Variants in RAPGEF6 observed in about 807,000 individuals in gnomAD.
The protein encoded by RAPGEF6 is PDZ domain containing guanine nucleotide exchange factor (GEF) 2.
RAPGEF6 carries 56 observed loss-of-function variants against 171.4 expected under a neutral mutation model. That is an observed-to-expected ratio of 0.33 (90% CI 0.26 to 0.41). The LOEUF is 0.41. Among genes scored for constraint, RAPGEF6 ranks in the 10% least tolerant of loss-of-function variants. The pLI, the probability that RAPGEF6 is intolerant of heterozygous loss-of-function variation, is 1.00. For missense variants in RAPGEF6, 1,674 were observed against 1,921.4 expected (o/e 0.87, Z 2.41); for synonymous variants, 692 against 650.1 (o/e 1.06, Z -0.98).
intron 6 of RAPGEF6, among the ~76,000 whole-genome samples, chr5:131,525,610 T>C (rs1758821925): frequency 6.6e-6 from 1 of 151,966 alleles, no homozygotes; most frequent in African/African-American, 2.4e-5. Flanking sequence ...TTGATGAGGG[T>C]ATGATACAGT....
Position 131,619,337 on chromosome 5 carries a change from G to A in RAPGEF6, c.70-14644C>T, listed in dbSNP as rs113717015. ...TGCGGCGGGGCTGGAGGGCGGGGGG[G>A]CATAGCATTAGGATAAATAATACCT... On this transcript the variant is annotated intron_variant, in intron 1 of 27. Transcript: ENST00000509018. 3.3e-3 allele frequency among the ~76,000 whole-genome samples: 503 copies of A among 152,172 alleles called. 3 individuals are homozygous for A. The highest frequency in any genetic ancestry group is 5.0e-3 in the Non-Finnish European group (341 of 67,994).
intron 7 of RAPGEF6, among the ~76,000 whole-genome samples, chr5:131,519,693 G>A (rs1758348312): frequency 6.6e-6 from 1 of 152,136 alleles, no homozygotes; most frequent in African/African-American, 2.4e-5. Context: ...AAACCTCTGT[G>A]TATAGTCTTA....
Position 131,427,139 on chromosome 5 carries a change from A to G in RAPGEF6, c.*127T>C, listed in dbSNP as rs1751428795. ...AGGTCTATTTCATTGCTCGGAGTAG[A>G]GGGAATAAAACCTCTGGACTGGTTG... is the stretch of plus-strand genomic sequence containing the variant. On this transcript the variant is annotated 3_prime_UTR_variant, in exon 28 of 28. Transcript: ENST00000509018. 1.2e-6 allele frequency: 1 copy of G among 843,530 alleles called. No homozygotes were observed. The highest frequency in any genetic ancestry group is 2.0e-6 in the Non-Finnish European group (1 of 495,840). 52.3% of individuals were successfully genotyped at this position (843,530 alleles called of 1,614,324 possible).
intron 9 of RAPGEF6, among the ~76,000 whole-genome samples, chr5:131,507,802 A>C (rs1385856911): frequency 6.6e-6 from 1 of 152,214 alleles, no homozygotes; most frequent in Non-Finnish European, 1.5e-5. Context: ...ATGTAATCTG[A>C]GAAGTAAAAA....
At chr5:131,559,310 G>C (rs180698228) in intron 5 of RAPGEF6, among the ~76,000 whole-genome samples, 1 of 152,102 alleles carries the variant, frequency 6.6e-6, no homozygotes, top group African/African-American at 2.4e-5. Flanking sequence ...GCCTAGACGA[G>C]AGAGCAAAAC....
At chr5:131,522,330 TA>T (rs1758552004) in intron 6 of RAPGEF6, among the ~76,000 whole-genome samples, 1 of 152,206 alleles carries the variant, frequency 6.6e-6, no homozygotes, top group African/African-American at 2.4e-5. Context: ...TCCAGAGTAG[TA>T]AAAGTTTTGC....
intron 6 of RAPGEF6, among the ~76,000 whole-genome samples, chr5:131,544,934 C>G (rs371914792): frequency 6.6e-6 from 1 of 152,122 alleles, no homozygotes; most frequent in African/African-American, 2.4e-5. Flanking sequence ...CCGCCTGCCT[C>G]GGCCCCCAAA....
Position 131,596,958 on chromosome 5 carries a change from A to G in RAPGEF6, c.198-4492T>C, listed in dbSNP as rs145231650. Among the ~76,000 whole-genome samples, 237 of 152,326 alleles carry G rather than the reference A, an allele frequency of 1.6e-3. 1 individual carries two copies. The highest frequency in any genetic ancestry group is 5.5e-3 in the African/African-American group (228 of 41,594). ...AACTGACAAAATGAATAGACAACCT[A>G]CAGAAATAGGAGAGAATTGCAAACT... On this transcript the variant is annotated intron_variant, in intron 3 of 27. Coordinates refer to ENST00000509018, the MANE Select transcript of RAPGEF6 (RefSeq NM_016340.6).
At chr5:131,573,275 T>C (rs941607997) in intron 4 of RAPGEF6, among the ~76,000 whole-genome samples, 2 of 152,106 alleles carry the variant, frequency 1.3e-5, no homozygotes, top group Non-Finnish European at 2.9e-5. Flanking sequence ...AGCTCTCCCC[T>C]ACCTGCCCAA....
chr5:131,603,413 AATTG>A (rs1291270233), intron 2 of RAPGEF6, 86 bp from the exon 3 acceptor site: 12 of 876,062 alleles, frequency 1.4e-5, no homozygotes, highest in African/African-American at 1.0e-4. Context: ...ATTATAATCT[AATTG>A]ATTGTTAGAA....
At chr5:131,557,126 G>T (rs1259030726) in intron 5 of RAPGEF6, among the ~76,000 whole-genome samples, 1 of 152,136 alleles carries the variant, frequency 6.6e-6, no homozygotes, top group Non-Finnish European at 1.5e-5. Context: ...TGTGACATAT[G>T]TTACAGATCA....
intron 1 of RAPGEF6, among the ~76,000 whole-genome samples, chr5:131,620,128 G>A (rs1765515586): frequency 6.6e-6 from 1 of 151,966 alleles, no homozygotes; most frequent in Non-Finnish European, 1.5e-5. Flanking sequence ...GGGTCCATCT[G>A]CTCCATCTAA....
intron 1 of RAPGEF6, among the ~76,000 whole-genome samples, chr5:131,606,726 G>T (rs1764616233): frequency 6.6e-6 from 1 of 152,164 alleles, no homozygotes; most frequent in Non-Finnish European, 1.5e-5. Flanking sequence ...CTGACCAAAA[G>T]AATACGATAG....
chr5:131,593,055 A>C (rs1763682823), intron 3 of RAPGEF6, among the ~76,000 whole-genome samples: 1 of 152,236 alleles, frequency 6.6e-6, no homozygotes, highest in Admixed American at 6.5e-5. Flanking sequence ...TAAAACAGAC[A>C]ATTCTTAACA....
chr5:131,521,061 C>T (rs969896443), intron 7 of RAPGEF6, among the ~76,000 whole-genome samples: 1 of 152,144 alleles, frequency 6.6e-6, no homozygotes, highest in Non-Finnish European at 1.5e-5. Context: ...TAACAAAAAT[C>T]AGCCTTTTTA....
intron 4 of RAPGEF6, among the ~76,000 whole-genome samples, chr5:131,569,869 C>T (rs915805715): frequency 2.0e-5 from 3 of 151,732 alleles, no homozygotes; most frequent in African/African-American, 7.3e-5. Flanking sequence ...GGTGCAACCC[C>T]CATCTCTACT....
At position 131,439,943 on chromosome 5, in the gene RAPGEF6, G is replaced by A. The variant is rs1752270459; in HGVS notation, c.3611-228C>T. 6.8e-5 allele frequency: 48 copies of A among 700,898 alleles called. No homozygotes were observed. In the South Asian group the frequency reaches 9.3e-4, roughly 14 times the overall value. 43.4% of individuals were successfully genotyped at this position (700,898 alleles called of 1,614,324 possible). A position where few individuals can be genotyped will look rare whatever the true frequency, so the allele number is the denominator to read the frequency against. Reference sequence around the variant, plus strand: ...GGTCAGCATGGACCAGATTATATTAGTTTGTCTGCACTTTGTGGTATAAGG... The same window carrying A: ...GGTCAGCATGGACCAGATTATATTAATTTGTCTGCACTTTGTGGTATAAGG... On this transcript the variant is annotated intron_variant, in intron 23 of 27. Coordinates refer to ENST00000509018, the MANE Select transcript of RAPGEF6 (RefSeq NM_016340.6).
chr5:131,568,497 T>A (rs1762084718), intron 4 of RAPGEF6, among the ~76,000 whole-genome samples: 1 of 152,080 alleles, frequency 6.6e-6, no homozygotes, highest in African/African-American at 2.4e-5. Flanking sequence ...CACACGTTTT[T>A]TTGTAGAGAC....
intron 9 of RAPGEF6, 73 bp from the exon 10 acceptor site, chr5:131,505,595 T>A (rs1220688519): frequency 7.8e-7 from 1 of 1,284,490 alleles, no homozygotes; most frequent in Non-Finnish European, 1.1e-6. Flanking sequence ...AAAAAGAATC[T>A]ATCAATATAT....
Sources: gnomAD v4.1 joint callset for allele counts (sites outside exome capture counted in the v4.1 genomes callset) on GRCh38, gnomAD v4.1.1 for gene constraint, MANE v1.5 for transcripts, NCBI Gene and HGNC (gene_info 2026-07-23, HGNC 2026-07-21) for gene names.